Variants in KIF27 observed in about 807,000 individuals in gnomAD.
KIF27 encodes the protein kinesin-like protein KIF27.
KIF27 carries 84 observed loss-of-function variants against 141.8 expected under a neutral mutation model. The observed-to-expected ratio is 0.59, with a 90% CI of 0.50 to 0.71. The LOEUF is 0.71. Among genes scored for constraint, KIF27 ranks in the 30% least tolerant of loss-of-function variants. The pLI is 0.00. For synonymous variants in KIF27, 471 were observed against 569.5 expected (o/e 0.83, Z 2.46); for missense variants, 1,306 against 1,628.4 (o/e 0.80, Z 3.41).
intron 16 of KIF27, chr9:83,849,103 C>G (rs1948226099): frequency 6.6e-6 from 1 of 152,116 alleles, no homozygotes; most frequent in African/African-American, 2.4e-5. Context: ...GATGAGCCAC[C>G]ATGTTTGGCC....
intron 3 of KIF27, among the ~76,000 whole-genome samples, chr9:83,904,969 A>C (rs1380791510): frequency 6.6e-6 from 1 of 151,994 alleles, no homozygotes; most frequent in Non-Finnish European, 1.5e-5. Flanking sequence ...GTGCAAGGTA[A>C]ACAGATGAGA....
chr9:83,878,171 A>C, intron 11 of KIF27, among the ~76,000 whole-genome samples: 1 of 86,556 alleles, frequency 1.2e-5, no homozygotes, highest in Non-Finnish European at 2.2e-5. Flanking sequence ...CAAAAAAAAA[A>C]AAAAAAAAAA....
intron 17 of KIF27, chr9:83,838,917 G>A (rs552171984): frequency 2.6e-5 from 4 of 152,228 alleles, no homozygotes; most frequent in Admixed American, 2.0e-4. Context: ...CTAGATCCTC[G>A]TACATGGAAC....
chr9:83,873,262 G>A (rs928367915), intron 11 of KIF27, among the ~76,000 whole-genome samples: 25 of 152,098 alleles, frequency 1.6e-4, no homozygotes, highest in Non-Finnish European at 3.2e-4. Context: ...ATTTCCAGCT[G>A]GTCACAATCC....
intron 1 of KIF27, among the ~76,000 whole-genome samples, chr9:83,920,800 C>T (rs1956183851): frequency 2.0e-5 from 3 of 151,950 alleles, no homozygotes; most frequent in South Asian, 2.1e-4. Flanking sequence ...AGCTCTCGGG[C>T]TTGAATGTGC....
intron 5 of KIF27, chr9:83,898,551 T>G (rs1225482147): frequency 6.6e-6 from 1 of 152,228 alleles, no homozygotes; most frequent in East Asian, 1.9e-4. Context: ...CGCTGGCAGT[T>G]AGCAATTTCT....
At position 83,891,493 on chromosome 9, in the gene KIF27, T is replaced by G. The variant is rs1414592449; in HGVS notation, c.1611A>C (p.Lys537Asn). Residue 537 changes from lysine (K) to asparagine (N), a missense_variant, in exon 6 of 18, where the codon AAA becomes AAC. Physicochemically the swap from Lys to Asn is moderately conservative, Grantham distance 94. This residue lies in a region of KIF27 where 596 missense variants were observed against 751.6 expected (regional missense o/e 0.79). Coordinates refer to ENST00000297814, the MANE Select transcript of KIF27 (RefSeq NM_017576.4). ...CCACAAGAAGTTGTTGTTCTATTAT[T>G]TTTTCATTCTTTGTAGAAGAGAGAT... ...AQKVNRLQNE[K>N]IIEQQLLVDQ... The G allele has an allele frequency of 6.2e-7, 1 of 1,608,574 alleles. No homozygotes were observed. The highest frequency in any genetic ancestry group is 2.2e-5 in the East Asian group (1 of 44,744).
chr9:83,883,936 T>A lies in KIF27; in HGVS notation c.2322A>T (p.Glu774Asp). The change falls in exon 10 of 18, where the codon GAA becomes GAT. Residue 774 changes from glutamate (E) to aspartate (D), a missense_variant. Physicochemically the swap from Glu to Asp is conservative, Grantham distance 45. Transcript: ENST00000297814. ...LEHDAEQAKV[E>D]LIETQKQLQE... ...GTAGCTGCTTTTGTGTTTCAATCAGTTCGACTTTTGCCTGTTCTGCATCAT... is the reference window on the plus strand; with the variant it reads ...GTAGCTGCTTTTGTGTTTCAATCAGATCGACTTTTGCCTGTTCTGCATCAT... 6.2e-7 allele frequency: 1 copy of A among 1,613,774 alleles called. No homozygotes were observed. The highest frequency in any genetic ancestry group is 8.5e-7 in the Non-Finnish European group (1 of 1,179,722).
At chr9:83,865,827 C>T (rs1446657678) in intron 13 of KIF27, among the ~76,000 whole-genome samples, 1 of 151,964 alleles carries the variant, frequency 6.6e-6, no homozygotes, top group Admixed American at 6.6e-5. Flanking sequence ...AGTCAGGTAT[C>T]GAAAAGCAGA....
chr9:83,838,362 T>G (rs1249403400), intron 17 of KIF27, among the ~76,000 whole-genome samples: 1 of 152,188 alleles, frequency 6.6e-6, no homozygotes, highest in Non-Finnish European at 1.5e-5. Flanking sequence ...GCCTCCCTAG[T>G]AGCTGGGACT....
chr9:83,901,540 G>C (rs1953887412), intron 4 of KIF27, among the ~76,000 whole-genome samples: 1 of 152,142 alleles, frequency 6.6e-6, no homozygotes, highest in Non-Finnish European at 1.5e-5. Flanking sequence ...ATGTTAAAGA[G>C]ATTTGCAAAA....
chr9:83,877,661 G>T (rs1370155053), intron 11 of KIF27, among the ~76,000 whole-genome samples: 1 of 151,984 alleles, frequency 6.6e-6, no homozygotes, highest in Non-Finnish European at 1.5e-5. Context: ...AGATAAATTG[G>T]ACTTCAACAA....
chr9:83,886,691 G>C (rs140154095), intron 9 of KIF27, among the ~76,000 whole-genome samples: 1 of 152,148 alleles, frequency 6.6e-6, no homozygotes, highest in Non-Finnish European at 1.5e-5. Context: ...CAGAGGTCAA[G>C]GCTGCAGTGA....
At chr9:83,884,671 GT>G (rs1464771021) in intron 9 of KIF27, among the ~76,000 whole-genome samples, 1 of 152,032 alleles carries the variant, frequency 6.6e-6, no homozygotes, top group Non-Finnish European at 1.5e-5. Context: ...TAACCAAAAA[GT>G]CATTATCACA....
At chr9:83,867,995 G>A in intron 12 of KIF27, 135 bp from the exon 13 acceptor site, 2 of 943,196 alleles carry the variant, frequency 2.1e-6, no homozygotes, top group South Asian at 4.1e-5. Flanking sequence ...AACTCAGGTA[G>A]CCGTCTGAGA....
At chr9:83,918,247 C>T (rs893932071) in intron 1 of KIF27, among the ~76,000 whole-genome samples, 8 of 141,214 alleles carry the variant, frequency 5.7e-5, no homozygotes, top group South Asian at 2.2e-4. Context: ...TGCACTATAA[C>T]GTGGACAACA....
At chr9:83,893,887 GA>G (rs1048003386) in intron 5 of KIF27, among the ~76,000 whole-genome samples, 28 of 151,054 alleles carry the variant, frequency 1.9e-4, no homozygotes, top group African/African-American at 6.6e-4. Context: ...GAAACTGCAA[GA>G]AAAAAAAGTG....
intron 10 of KIF27, among the ~76,000 whole-genome samples, chr9:83,882,208 C>A (rs564039015): frequency 2.6e-5 from 4 of 151,982 alleles, no homozygotes; most frequent in Non-Finnish European, 5.9e-5. Context: ...ACTAAAAATA[C>A]AAAAATTTGC....
chr9:83,870,141 C>CTCTA (rs200694940), intron 12 of KIF27, among the ~76,000 whole-genome samples: 22,446 of 151,568 alleles, frequency 0.15, 1,860 homozygotes, highest in Middle Eastern at 0.19. Flanking sequence ...CTATCTATCT[C>CTCTA]TCTATCTATC....
Sources: allele counts gnomAD v4.1 joint callset (sites outside exome capture counted in the v4.1 genomes callset), GRCh38; gene constraint gnomAD v4.1.1; regional missense constraint gnomAD v4.1.1; transcripts MANE v1.5; gene names NCBI Gene and HGNC (gene_info 2026-07-23, HGNC 2026-07-21).